The following METTL25 variants were observed in gnomAD, a reference collection of about 807,000 sequenced individuals.
METTL25 encodes probable methyltransferase-like protein 25.
Under a neutral mutation model 71.6 loss-of-function variants are expected in METTL25, and 64 were observed. The observed-to-expected ratio is 0.89, with a 90% CI of 0.73 to 1.10. METTL25 has a LOEUF of 1.10. Ranked by LOEUF, METTL25 falls within the 50% of genes least tolerant of loss-of-function variation. METTL25 has a pLI of 0.00. For missense variants in METTL25, 807 were observed against 707.0 expected (o/e 1.14, Z -1.60); for synonymous variants, 287 against 250.3 (o/e 1.15, Z -1.38).
intron 5 of METTL25, among the ~76,000 whole-genome samples, chr12:82,411,487 CA>C (rs1334803853): frequency 1.3e-5 from 2 of 150,836 alleles, no homozygotes; most frequent in Non-Finnish European, 3.0e-5. Context: ...TACCATTTAC[CA>C]TAAAGTGGGG....
At chr12:82,413,384 A>G (rs1227665655) in intron 5 of METTL25, among the ~76,000 whole-genome samples, 1 of 152,082 alleles carries the variant, frequency 6.6e-6, no homozygotes, top group African/African-American at 2.4e-5. Context: ...AGTAATATAT[A>G]ATATAATAAA....
At chr12:82,406,866 G>C (rs1273496318) in intron 5 of METTL25, among the ~76,000 whole-genome samples, 1 of 152,134 alleles carries the variant, frequency 6.6e-6, no homozygotes, top group Non-Finnish European at 1.5e-5. Context: ...AATCAGACAA[G>C]GAAGTAAGAA....
chr12:82,435,171 G>C (rs1889824542), intron 7 of METTL25, among the ~76,000 whole-genome samples: 1 of 151,412 alleles, frequency 6.6e-6, no homozygotes, highest in Non-Finnish European at 1.5e-5. Flanking sequence ...TTTGCACTTA[G>C]AGATAGAAGT....
At chr12:82,416,576 G>A (rs1888006083) in intron 5 of METTL25, among the ~76,000 whole-genome samples, 1 of 151,660 alleles carries the variant, frequency 6.6e-6, no homozygotes, top group African/African-American at 2.4e-5. Context: ...AAGTAGCTGG[G>A]ACTACTGGTG....
intron 1 of METTL25, among the ~76,000 whole-genome samples, chr12:82,362,602 G>A (rs1882077997): frequency 6.6e-6 from 1 of 152,160 alleles, no homozygotes; most frequent in African/African-American, 2.4e-5. Context: ...CATAAAACTT[G>A]TAGGCTGTAC....
At chr12:82,455,579 A>G (rs1891432133) in intron 8 of METTL25, among the ~76,000 whole-genome samples, 1 of 151,984 alleles carries the variant, frequency 6.6e-6, no homozygotes, top group South Asian at 2.1e-4. Context: ...CTTCAGTTCA[A>G]CTAAGATGTA....
chr12:82,402,364 G>A (rs150892164), intron 4 of METTL25, among the ~76,000 whole-genome samples: 2 of 152,114 alleles, frequency 1.3e-5, no homozygotes, highest in Non-Finnish European at 2.9e-5. Context: ...TAATATTATG[G>A]TCAAAGTGTG....
At chr12:82,386,034 C>G (rs896050765) in intron 1 of METTL25, among the ~76,000 whole-genome samples, 73 of 152,222 alleles carry the variant, frequency 4.8e-4, no homozygotes, top group Middle Eastern at 3.4e-3. Flanking sequence ...GTTTATCATT[C>G]TAGTCTAAAT....
At chr12:82,443,462 C>CAAAAAAAAAAAAAAA (rs67737833) in intron 8 of METTL25, among the ~76,000 whole-genome samples, 3 of 96,614 alleles carry the variant, frequency 3.1e-5, no homozygotes, top group Non-Finnish European at 6.7e-5. Flanking sequence ...CAGAGGAGAC[C>CAAAAAAAAAAAAAAA]AAAAAAAAAA....
In METTL25 at chr12:82,358,730, G is replaced by A. The variant is rs552954895; in HGVS notation, c.165G>A (p.Pro55=). ...GGGAGGAGCTGGTCGACTTGCCACC[G>A]GAGACAGTGCTGGCTGCGCTGAGGA... ...SVWEELVDLP[P]ETVLAALRKS... The change falls in exon 1 of 12, where the codon CCG becomes CCA. Residue 55 remains proline (P), a synonymous_variant. Coordinates refer to ENST00000248306, the MANE Select transcript of METTL25 (RefSeq NM_032230.3). The A allele has an allele frequency of 8.1e-6, 13 of 1,614,136 alleles. No individual in the cohort carries two copies. The highest frequency in any genetic ancestry group is 6.6e-5 in the South Asian group (6 of 91,080).
At chr12:82,372,191 C>T (rs1395301278) in intron 1 of METTL25, among the ~76,000 whole-genome samples, 2 of 152,200 alleles carry the variant, frequency 1.3e-5, no homozygotes, top group Non-Finnish European at 2.9e-5. Context: ...TCAGGATCAT[C>T]TGAATGCTTC....
intron 2 of METTL25, among the ~76,000 whole-genome samples, chr12:82,387,788 A>G (rs779679791): frequency 6.6e-6 from 1 of 151,908 alleles, no homozygotes; most frequent in Non-Finnish European, 1.5e-5. Context: ...TTTACTCTCA[A>G]ATACTTCACT....
In METTL25 at chr12:82,389,516, G is replaced by A. The variant is rs151305240; in HGVS notation, c.425-300G>A. Among the ~76,000 whole-genome samples, 19 of 152,022 alleles carry A rather than the reference G, an allele frequency of 1.2e-4. No individual in the cohort carries two copies. The East Asian group carries it at 3.3e-3, about 26-fold the overall frequency. ...AATTATCTTCTTTCATTTGGGGTTT[G>A]CCTTTTTACCTCATAATGTTGTCTT... is the stretch of plus-strand genomic sequence containing the variant. On this transcript the variant is annotated intron_variant, in intron 2 of 11. Transcript: ENST00000248306.
At chr12:82,453,892 G>A (rs1269308968) in intron 8 of METTL25, among the ~76,000 whole-genome samples, 2 of 152,048 alleles carry the variant, frequency 1.3e-5, no homozygotes, top group Non-Finnish European at 2.9e-5. Flanking sequence ...ATTGTTATGA[G>A]CAAGACAGCT....
At chr12:82,375,733 T>G (rs1210945174) in intron 1 of METTL25, among the ~76,000 whole-genome samples, 1 of 152,202 alleles carries the variant, frequency 6.6e-6, no homozygotes, top group East Asian at 1.9e-4. Context: ...ATAGACAACC[T>G]TTGAGCATCT....
chr12:82,413,087 C>T (rs554165976), intron 5 of METTL25, among the ~76,000 whole-genome samples: 116 of 152,060 alleles, frequency 7.6e-4, no homozygotes, highest in African/African-American at 2.7e-3. Flanking sequence ...TTTTCGGTGA[C>T]TCTCTTTTGG....
rs995372378 is a variant in METTL25 at position 82,413,986 on chromosome 12, GTA to G, written c.1279+10868_1279+10869del. ...TAGCAATAAAAAATTTATAACAAAT[GTA>G]TATATATATATTTTTTCTTAACTAT... On this transcript the variant is annotated intron_variant, in intron 5 of 11. Coordinates refer to ENST00000248306, the MANE Select transcript of METTL25 (RefSeq NM_032230.3). Among the ~76,000 whole-genome samples, 4 of 150,634 alleles carry G rather than the reference GTA, an allele frequency of 2.7e-5. No homozygotes were observed. The Admixed American group carries it at 2.7e-4, about 10-fold the overall frequency.
At chr12:82,385,555 G>C (rs1194074849) in intron 1 of METTL25, among the ~76,000 whole-genome samples, 1 of 152,012 alleles carries the variant, frequency 6.6e-6, no homozygotes, top group Non-Finnish European at 1.5e-5. Context: ...CGTCTATTGA[G>C]CTCCTTTGAA....
chr12:82,388,453 A>G (rs895428003), intron 2 of METTL25, among the ~76,000 whole-genome samples: 2 of 151,976 alleles, frequency 1.3e-5, no homozygotes, highest in Admixed American at 6.6e-5. Flanking sequence ...CAACGTTACT[A>G]TGGGGGCTGT....
Sources: gnomAD v4.1 joint callset for allele counts (sites outside exome capture counted in the v4.1 genomes callset) on GRCh38, gnomAD v4.1.1 for gene constraint, MANE v1.5 for transcripts, NCBI Gene and HGNC (gene_info 2026-07-23, HGNC 2026-07-21) for gene names.